Variants in ODR4 observed in about 807,000 individuals in gnomAD.
ODR4 encodes the protein odr-4 GPCR localization factor homolog.
In ODR4, 47 loss-of-function variants were observed where a neutral mutation model predicts 60.2. The observed-to-expected ratio is 0.78, with a 90% CI of 0.62 to 1.00. The LOEUF is 1.00. Among genes scored for constraint, ODR4 ranks in the 50% least tolerant of loss-of-function variants. The probability of loss-of-function intolerance (pLI) is 0.00; values close to 1 mark genes in which losing one functional copy is unlikely to be tolerated. For synonymous variants in ODR4, 178 were observed against 175.5 expected (o/e 1.01, Z -0.11); for missense variants, 488 against 530.8 (o/e 0.92, Z 0.79).
intron 9 of ODR4, among the ~76,000 whole-genome samples, chr1:186,395,997 C>G (rs893710371): frequency 2.0e-5 from 3 of 152,098 alleles, no homozygotes; most frequent in Admixed American, 6.5e-5. Flanking sequence ...CTTGCCATAC[C>G]TTTAAAGCTC....
chr1:186,393,922 C>G (rs570831889), intron 8 of ODR4, 25 bp from the exon 9 acceptor site: 2 of 1,352,018 alleles, frequency 1.5e-6, no homozygotes, highest in East Asian at 2.5e-5. Context: ...CACAGTTTGG[C>G]TTTTTAACTT....
chr1:186,390,850 A>C lies in ODR4; in HGVS notation c.614A>C (p.Lys205Thr). ...AGCTATACTCTGGAGAAAAATACAAAGGTACCAGGGTAAAATGAATTTTCT... is the reference window on the plus strand; with the variant it reads ...AGCTATACTCTGGAGAAAAATACAACGGTACCAGGGTAAAATGAATTTTCT... ...SVSYTLEKNT[K>T]NGLTRWAKEI... Residue 205 changes from lysine (K) to threonine (T), a missense_variant and splice_region_variant, in exon 7 of 14, where the codon AAG becomes ACG. Transcript: ENST00000287859. 1 of 1,610,606 alleles carries C rather than the reference A, an allele frequency of 6.2e-7. No homozygotes were observed. The highest frequency in any genetic ancestry group is 1.1e-5 in the South Asian group (1 of 90,696).
In ODR4 at chr1:186,398,546, T is replaced by C. The variant is rs1007179619; in HGVS notation, c.909+105T>C. On this transcript the variant is annotated intron_variant, in intron 10 of 13. Coordinates refer to ENST00000287859, the MANE Select transcript of ODR4 (RefSeq NM_017847.6). ...TATTTTGTAATTATTAATTCGATTT[T>C]AACTGATAATGGCCTATTGTGCAGT... 7.1e-6 allele frequency: 8 copies of C among 1,132,336 alleles called. No homozygotes were observed. The South Asian group carries it at 1.5e-4, about 21-fold the overall frequency. 70.1% of individuals were successfully genotyped at this position (1,132,336 alleles called of 1,614,324 possible).
Position 186,421,015 on chromosome 1 carries a change from A to C in ODR4, c.*1939A>C, listed in dbSNP as rs1055445375. 2.0e-5 allele frequency: 3 copies of C among 152,226 alleles called. No homozygotes were observed. The highest frequency in any genetic ancestry group is 7.2e-5 in the African/African-American group (3 of 41,464). The allele number at this position is 152,226 out of a possible 1,614,324, so 9.4% of individuals were successfully genotyped here. On this transcript the variant is annotated 3_prime_UTR_variant, in exon 14 of 14. Transcript: ENST00000287859. ...CCATGGGGAGAAAAAGATCAGTGAA[A>C]GCAAGACAGTCAAATACTTAGTAGG...
chr1:186,377,707 TA>T (rs1307787490), intron 1 of ODR4, among the ~76,000 whole-genome samples: 1 of 152,106 alleles, frequency 6.6e-6, no homozygotes, highest in African/African-American at 2.4e-5. Context: ...ACTTAGTCTC[TA>T]AAAAATGATA....
At position 186,379,931 on chromosome 1, in the gene ODR4, A is replaced by G. The variant is rs1037422394; in HGVS notation, c.99+47A>G. 7 of 1,104,992 alleles carry G rather than the reference A, an allele frequency of 6.3e-6. No individual in the cohort carries two copies. In the African/African-American group the frequency reaches 1.1e-4, roughly 18 times the overall value. 68.4% of individuals were successfully genotyped at this position (1,104,992 alleles called of 1,614,324 possible). ...TTTATAACTAAATAATTACTCTGTA[A>G]TTTATTTTAAAAATTACTTGTTGAT... On this transcript the variant is annotated intron_variant, in intron 2 of 13. Coordinates refer to ENST00000287859, the MANE Select transcript of ODR4 (RefSeq NM_017847.6).
downstream of ODR4, chr1:186,421,470 C>G (rs989055412): frequency 1.3e-5 from 2 of 152,070 alleles, no homozygotes; most frequent in Admixed American, 1.3e-4. Context: ...GTCTGAGGTT[C>G]TTTTATTCAG....
At chr1:186,378,698 C>T (rs920140199) in intron 1 of ODR4, among the ~76,000 whole-genome samples, 2 of 152,184 alleles carry the variant, frequency 1.3e-5, no homozygotes. Context: ...TTGCCACTTA[C>T]CCAGCTTTGT....
intron 8 of ODR4, among the ~76,000 whole-genome samples, chr1:186,393,376 G>C (rs574761451): frequency 6.6e-6 from 1 of 152,294 alleles, no homozygotes; most frequent in African/African-American, 2.4e-5. Flanking sequence ...TTTCCAAATT[G>C]TAAACTGCTG....
intron 3 of ODR4, among the ~76,000 whole-genome samples, chr1:186,385,499 G>A (rs1238908052): frequency 6.6e-6 from 1 of 151,612 alleles, no homozygotes; most frequent in Non-Finnish European, 1.5e-5. Context: ...AGCTGCCTTT[G>A]AAGTATCCAG....
intron 9 of ODR4, among the ~76,000 whole-genome samples, chr1:186,395,473 A>G (rs1403975485): frequency 1.3e-5 from 2 of 152,194 alleles, no homozygotes; most frequent in Non-Finnish European, 2.9e-5. Context: ...TTTTGAAGTG[A>G]CTAATATACA....
chr1:186,419,656 G>A lies in ODR4; in HGVS notation c.*580G>A, dbSNP rs575368587. 2 of 152,454 alleles carry A rather than the reference G, an allele frequency of 1.3e-5. No homozygotes were observed. The highest frequency in any genetic ancestry group is 4.8e-5 in the African/African-American group (2 of 41,442). 9.4% of individuals were successfully genotyped at this position (152,454 alleles called of 1,614,324 possible). A position where few individuals can be genotyped will look rare whatever the true frequency, so the allele number is the denominator to read the frequency against. On this transcript the variant is annotated 3_prime_UTR_variant, in exon 14 of 14. Transcript: ENST00000287859. Reference sequence around the variant, plus strand: ...GAGCCCAGGAGTTTGAGGCTGCAGCGAGCTATGATCACATCACTGTACTCC... The same window carrying A: ...GAGCCCAGGAGTTTGAGGCTGCAGCAAGCTATGATCACATCACTGTACTCC...
intron 9 of ODR4, among the ~76,000 whole-genome samples, chr1:186,396,311 C>T (rs904989444): frequency 2.0e-4 from 31 of 152,102 alleles, no homozygotes; most frequent in African/African-American, 7.2e-4. Context: ...ACCTTACATT[C>T]TTTAAAACTT....
intron 12 of ODR4, chr1:186,411,781 T>C (rs1452191449): frequency 1.5e-6 from 1 of 651,882 alleles, no homozygotes; most frequent in Non-Finnish European, 1.9e-6. Context: ...AATTATTTAC[T>C]GTCTATATTT....
At chr1:186,411,900 ATACT>A (rs1250217844) in intron 12 of ODR4, 1 of 864,658 alleles carries the variant, frequency 1.2e-6, no homozygotes, top group African/African-American at 1.8e-5. Flanking sequence ...TTAGGTGTGT[ATACT>A]TACATGTATG....
chr1:186,421,593 C>T (rs1233122709), downstream of ODR4, among the ~76,000 whole-genome samples: 5 of 152,000 alleles, frequency 3.3e-5, no homozygotes, highest in African/African-American at 9.7e-5. Context: ...CGGCCAGGCA[C>T]GGTGGCTCAC....
In ODR4 at chr1:186,383,042, T is replaced by C; in HGVS notation, c.120T>C (p.Tyr40=). The C allele has an allele frequency of 6.3e-7, 1 of 1,584,408 alleles. No individual in the cohort carries two copies. Among genetic ancestry groups the C allele is most frequent in the Non-Finnish European group, 8.6e-7 (1 of 1,164,212 alleles). ...TGAAGTGTTCGTCACAAAAGGATTA[T>C]GTGATTCTTGCCACTAGAACGCCAC... ...LIGQCSSQKD[Y]VILATRTPPK... Residue 40 remains tyrosine, a synonymous_variant, in exon 3 of 14, where the codon TAT becomes TAC. Coordinates refer to ENST00000287859, the MANE Select transcript of ODR4 (RefSeq NM_017847.6).
At chr1:186,403,318 T>C (rs960558178) in intron 11 of ODR4, among the ~76,000 whole-genome samples, 2 of 152,054 alleles carry the variant, frequency 1.3e-5, no homozygotes, top group Non-Finnish European at 2.9e-5. Context: ...AGATGTTTTG[T>C]TACAATCATG....
intron 11 of ODR4, among the ~76,000 whole-genome samples, chr1:186,402,049 T>C (rs1051675949): frequency 6.6e-6 from 1 of 152,048 alleles, no homozygotes; most frequent in African/African-American, 2.4e-5. Flanking sequence ...AGGTTTTCTA[T>C]TTCTTCTTGT....
Sources: allele counts gnomAD v4.1 joint callset (sites outside exome capture counted in the v4.1 genomes callset), GRCh38; gene constraint gnomAD v4.1.1; transcripts MANE v1.5; gene names NCBI Gene and HGNC (gene_info 2026-07-23, HGNC 2026-07-21).